Variants in CDK15 observed in about 807,000 individuals in gnomAD.
CDK15 encodes the protein cyclin dependent kinase 15, also known as cyclin-dependent kinase 15.
CDK15 carries 62 observed loss-of-function variants against 60.3 expected under a neutral mutation model. That is an observed-to-expected ratio of 1.03 (90% CI 0.84 to 1.27). The LOEUF is 1.27. Ranked by LOEUF, CDK15 falls within the 50% of genes most tolerant of loss-of-function variation. The pLI is 0.00. For synonymous variants in CDK15, 194 were observed against 195.7 expected (o/e 0.99, Z 0.07); for missense variants, 541 against 527.8 (o/e 1.03, Z -0.25).
At position 201,833,899 on chromosome 2, in the gene CDK15, G is replaced by T. The variant is rs767881343; in HGVS notation, c.658G>T (p.Val220Phe). The change falls in exon 7 of 14, where the codon GTT becomes TTT. Residue 220 changes from valine to phenylalanine, a missense_variant. Coordinates refer to ENST00000652192, the MANE Select transcript of CDK15 (RefSeq NM_001366386.2). ...CCTGGCGTACATCCACCACCAACAC[G>T]TTCTTCACAGGGACCTGAAACCTCA... ...RGLAYIHHQH[V>F]LHRDLKPQNL... The T allele has an allele frequency of 6.2e-7, 1 of 1,613,810 alleles. No homozygotes were observed. Among genetic ancestry groups the T allele is most frequent in the South Asian group, 1.1e-5 (1 of 91,046 alleles).
intron 6 of CDK15, among the ~76,000 whole-genome samples, chr2:201,833,152 T>A (rs60779070): frequency 0.024 from 3,595 of 148,454 alleles, 135 homozygotes; most frequent in African/African-American, 0.083. Flanking sequence ...CACTACCATT[T>A]ACCCTTTCTC....
chr2:201,822,132 A>G (rs1696253580), intron 4 of CDK15, among the ~76,000 whole-genome samples: 1 of 152,100 alleles, frequency 6.6e-6, no homozygotes, highest in African/African-American at 2.4e-5. Flanking sequence ...GCCTTTAGTA[A>G]CCGATTATTG....
chr2:201,855,824 C>CT (rs570053529), intron 10 of CDK15, among the ~76,000 whole-genome samples: 19,289 of 133,970 alleles, frequency 0.14, 1,580 homozygotes, highest in African/African-American at 0.18. Flanking sequence ...GTTGTCCTTA[C>CT]TTTTTTTTTT....
intron 8 of CDK15, among the ~76,000 whole-genome samples, chr2:201,843,280 C>T (rs953835755): frequency 2.0e-5 from 3 of 152,008 alleles, no homozygotes; most frequent in African/African-American, 4.8e-5. Context: ...TCCAACTCCC[C>T]GGTTCAAGTG....
At chr2:201,861,917 C>T (rs951348968) in intron 10 of CDK15, among the ~76,000 whole-genome samples, 1 of 152,128 alleles carries the variant, frequency 6.6e-6, no homozygotes, top group African/African-American at 2.4e-5. Flanking sequence ...GGTTCAGACC[C>T]AGTGACAGGT....
intron 10 of CDK15, among the ~76,000 whole-genome samples, chr2:201,866,929 T>C (rs1698655375): frequency 6.6e-6 from 1 of 152,170 alleles, no homozygotes; most frequent in South Asian, 2.1e-4. Flanking sequence ...TCTCAGCTAA[T>C]GTAGCTACAA....
At chr2:201,837,500 AAG>A (rs1410322007) in intron 8 of CDK15, among the ~76,000 whole-genome samples, 7 of 146,366 alleles carry the variant, frequency 4.8e-5, no homozygotes, top group African/African-American at 1.8e-4. Flanking sequence ...GGAAGGAAGG[AAG>A]GAAGGAAGGA....
At chr2:201,857,318 A>C (rs1698187478) in intron 10 of CDK15, among the ~76,000 whole-genome samples, 1 of 151,734 alleles carries the variant, frequency 6.6e-6, no homozygotes, top group Non-Finnish European at 1.5e-5. Context: ...TTTCAAAACA[A>C]TGTGCAGTTT....
intron 12 of CDK15, among the ~76,000 whole-genome samples, chr2:201,890,269 T>C (rs1699598719): frequency 6.6e-6 from 1 of 152,224 alleles, no homozygotes; most frequent in Admixed American, 6.5e-5. Context: ...GTTCTAACCA[T>C]GCAAGATGAC....
intron 3 of CDK15, among the ~76,000 whole-genome samples, chr2:201,808,176 T>C (rs540829340): frequency 3.3e-5 from 5 of 152,322 alleles, no homozygotes; most frequent in African/African-American, 7.2e-5. Context: ...TTTATCAGCC[T>C]TTCCCTTCTT....
chr2:201,848,394 A>T, intron 9 of CDK15, among the ~76,000 whole-genome samples: 1 of 152,248 alleles, frequency 6.6e-6, no homozygotes, highest in East Asian at 1.9e-4. Flanking sequence ...AAAATATACA[A>T]AACAAAATTT....
chr2:201,847,240 T>C, intron 8 of CDK15, 141 bp from the exon 9 acceptor site: 1 of 744,344 alleles, frequency 1.3e-6, no homozygotes, highest in South Asian at 2.3e-5. Flanking sequence ...GGGACTTTTT[T>C]TTTGGCCCAA....
rs1199581235 is a variant in CDK15, at chr2:201,893,603, G to T, written c.*336G>T. ...TGTTAAGAGATTCCTGGGCTAGAAG[G>T]TTGATTTCCCAAAAAGACAGATAAG... On this transcript the variant is annotated 3_prime_UTR_variant, in exon 14 of 14. Transcript: ENST00000652192. 1 of 152,140 alleles carries T rather than the reference G, an allele frequency of 6.6e-6. No homozygotes were observed. The highest frequency in any genetic ancestry group is 1.5e-5 in the Non-Finnish European group (1 of 68,012). 9.4% of individuals were successfully genotyped at this position (152,140 alleles called of 1,614,324 possible). A position where few individuals can be genotyped will look rare whatever the true frequency, so the allele number is the denominator to read the frequency against.
chr2:201,855,986 C>G (rs937153614), intron 10 of CDK15, among the ~76,000 whole-genome samples: 35 of 152,020 alleles, frequency 2.3e-4, no homozygotes, highest in Admixed American at 9.8e-4. Context: ...GCCACCATGC[C>G]CAGCTAATTT....
At position 201,861,794 on chromosome 2, in the gene CDK15, C is replaced by G. The variant is rs186182750; in HGVS notation, c.1009+6857C>G. Among the ~76,000 whole-genome samples, 4 of 152,186 alleles carry G rather than the reference C, an allele frequency of 2.6e-5. No homozygotes were observed. In the East Asian group the frequency reaches 7.7e-4, roughly 29 times the overall value. On this transcript the variant is annotated intron_variant, in intron 10 of 13. Transcript: ENST00000652192. ...TAGGCTGGTCTCGAACTCCTGACCT[C>G]AAGTGATCTACCTGCCTCAGCCTCC...
At position 201,882,285 on chromosome 2, in the gene CDK15, T is replaced by C. The variant is rs1209565223; in HGVS notation, c.1198+2118T>C. The stretch of plus-strand genomic sequence containing the variant: ...CCCAGTCACAGAGCCCAAATCTACT[T>C]TGACACTTTTAGAAAAATGAAAAGA... On this transcript the variant is annotated intron_variant, in intron 12 of 13. Coordinates refer to ENST00000652192, the MANE Select transcript of CDK15 (RefSeq NM_001366386.2). This position sits in a 1 kb window ranked among gnomAD's most constrained non-coding sequence, Gnocchi z 4.0. 6.6e-6 allele frequency among the ~76,000 whole-genome samples: 1 copy of C among 151,962 alleles called. No individual in the cohort carries two copies. The highest frequency in any genetic ancestry group is 1.5e-5 in the Non-Finnish European group (1 of 67,980).
chr2:201,883,847 T>G (rs981235119), intron 12 of CDK15, among the ~76,000 whole-genome samples: 1 of 152,162 alleles, frequency 6.6e-6, no homozygotes, highest in African/African-American at 2.4e-5. Context: ...CCTTGGCAAC[T>G]CTCTAATCTT....
At chr2:201,867,623 C>A (rs1185404493) in intron 10 of CDK15, among the ~76,000 whole-genome samples, 2 of 152,084 alleles carry the variant, frequency 1.3e-5, no homozygotes, top group African/African-American at 4.8e-5. Flanking sequence ...AGAATAAGAA[C>A]CTCTTTCAAA....
rs899375414 is a variant in CDK15 at position 201,835,825 on chromosome 2, A to C, written c.851+62A>C. 1.0e-5 allele frequency: 13 copies of C among 1,271,830 alleles called. No individual in the cohort carries two copies. In the Middle Eastern group the frequency reaches 8.0e-4, roughly 78 times the overall value. The allele number at this position is 1,271,830 out of a possible 1,614,324, so 78.8% of individuals were successfully genotyped here. A position where few individuals can be genotyped will look rare whatever the true frequency, so the allele number is the denominator to read the frequency against. ...TCACGAGGGTTGCTTTATCATCTAC[A>C]TTATATTTTAATAATAATTCTAAAA... On this transcript the variant is annotated intron_variant, in intron 8 of 13. Coordinates refer to ENST00000652192, the MANE Select transcript of CDK15 (RefSeq NM_001366386.2).
Sources: gnomAD v4.1 joint callset for allele counts (sites outside exome capture counted in the v4.1 genomes callset) on GRCh38, gnomAD v4.1.1 for gene constraint, Gnocchi (gnomAD v3.1) non-coding constraint, MANE v1.5 for transcripts, NCBI Gene and HGNC (gene_info 2026-07-23, HGNC 2026-07-21) for gene names.